RBFOX1: variants seen among roughly 807,000 people sequenced by gnomAD.
The protein encoded by RBFOX1 is RNA binding protein fox-1 homolog 1.
Under a neutral mutation model 57.7 loss-of-function variants are expected in RBFOX1, and 8 were observed. The ratio of observed to expected loss-of-function variants is 0.14; its 90% confidence interval spans 0.08 to 0.25. RBFOX1 has a LOEUF of 0.25. Ranked by LOEUF, RBFOX1 falls within the 10% of genes least tolerant of loss-of-function variation. The probability of loss-of-function intolerance (pLI) is 1.00; values close to 1 mark genes in which losing one functional copy is unlikely to be tolerated. For missense variants in RBFOX1, 611 were observed against 548.5 expected (o/e 1.11, Z -1.14); for synonymous variants, 326 against 222.4 (o/e 1.47, Z -4.15).
chr16:5,814,947 A>G (rs1229967329), intron 3 of RBFOX1, among the ~76,000 whole-genome samples: 1 of 151,630 alleles, frequency 6.6e-6, no homozygotes, highest in Non-Finnish European at 1.5e-5. Flanking sequence ...AAAAGAAAAA[A>G]AAGAAAAAAA....
At chr16:5,394,585 A>G (rs2066499065) in intron 1 of RBFOX1, among the ~76,000 whole-genome samples, 1 of 133,380 alleles carries the variant, frequency 7.5e-6, no homozygotes, top group African/African-American at 2.9e-5. Context: ...TTTTTTTGAC[A>G]GGATCTTGCT....
chr16:7,594,939 C>G (rs937245353), intron 7 of RBFOX1, among the ~76,000 whole-genome samples: 7 of 152,022 alleles, frequency 4.6e-5, no homozygotes, highest in African/African-American at 1.7e-4. Flanking sequence ...GTTTATTAGA[C>G]CAAAGAGTTT....
At chr16:6,349,087 G>T (rs772158951) in intron 2 of RBFOX1, among the ~76,000 whole-genome samples, 1 of 152,118 alleles carries the variant, frequency 6.6e-6, no homozygotes, top group Non-Finnish European at 1.5e-5. Flanking sequence ...ATGCTGTGCC[G>T]TGGGTTGCTA....
At chr16:5,784,974 A>T (rs944181663) in intron 3 of RBFOX1, among the ~76,000 whole-genome samples, 1 of 152,200 alleles carries the variant, frequency 6.6e-6, no homozygotes. Context: ...GCCCAAACAG[A>T]CTAAGACAGG....
chr16:5,714,972 T>C (rs1424205725), intron 3 of RBFOX1, among the ~76,000 whole-genome samples: 2 of 152,204 alleles, frequency 1.3e-5, no homozygotes, highest in African/African-American at 4.8e-5. Flanking sequence ...TCCAGTTGTG[T>C]TGAGTTGAAT....
At chr16:6,387,526 G>C (rs1169378832) in intron 2 of RBFOX1, among the ~76,000 whole-genome samples, 1 of 151,034 alleles carries the variant, frequency 6.6e-6, no homozygotes, top group Non-Finnish European at 1.5e-5. Flanking sequence ...GAAGCCATTA[G>C]CGTCAACTTA....
intron 4 of RBFOX1, among the ~76,000 whole-genome samples, chr16:7,181,622 G>T (rs534940496): frequency 6.6e-6 from 1 of 151,960 alleles, no homozygotes; most frequent in East Asian, 1.9e-4. Context: ...GAGTGCAGTG[G>T]TGCGATCTTG....
At chr16:6,988,770 T>C (rs1462175262) in intron 3 of RBFOX1, among the ~76,000 whole-genome samples, 1 of 150,472 alleles carries the variant, frequency 6.6e-6, no homozygotes, top group Non-Finnish European at 1.5e-5. Context: ...TTTTTGTTTT[T>C]TGTTTTTTGT....
At chr16:5,478,664 G>T (rs748382520) in intron 2 of RBFOX1, among the ~76,000 whole-genome samples, 1 of 152,136 alleles carries the variant, frequency 6.6e-6, no homozygotes, top group Non-Finnish European at 1.5e-5. Context: ...TTCCAGACCC[G>T]CTTTCTGCTC....
chr16:6,881,016 GC>G (rs1278618465), intron 3 of RBFOX1, among the ~76,000 whole-genome samples: 3 of 152,152 alleles, frequency 2.0e-5, no homozygotes, highest in African/African-American at 7.2e-5. Context: ...AAAATACGTG[GC>G]CCATACCCTC....
chr16:7,697,252 T>C (rs1417139324), intron 14 of RBFOX1, among the ~76,000 whole-genome samples: 1 of 152,114 alleles, frequency 6.6e-6, no homozygotes, highest in Non-Finnish European at 1.5e-5. Flanking sequence ...CTTTAAGCTG[T>C]ATTTTGATGG....
intron 3 of RBFOX1, among the ~76,000 whole-genome samples, chr16:6,692,776 A>G (rs921936395): frequency 6.6e-6 from 1 of 152,094 alleles, no homozygotes; most frequent in Non-Finnish European, 1.5e-5. Context: ...TATCAACATC[A>G]TCATCATGAT....
intron 1 of RBFOX1, among the ~76,000 whole-genome samples, chr16:6,072,194 T>C (rs1263893850): frequency 1.3e-5 from 2 of 152,132 alleles, no homozygotes; most frequent in Non-Finnish European, 2.9e-5. Flanking sequence ...TCATGAGTCT[T>C]ATTCACTATC....
chr16:5,531,959 C>G (rs952390116), intron 2 of RBFOX1, among the ~76,000 whole-genome samples: 1 of 152,124 alleles, frequency 6.6e-6, no homozygotes, highest in Non-Finnish European at 1.5e-5. Flanking sequence ...GCCACCATTC[C>G]TGGCTAATTT....
intron 1 of RBFOX1, among the ~76,000 whole-genome samples, chr16:6,089,149 G>C (rs2096134089): frequency 6.6e-6 from 1 of 151,842 alleles, no homozygotes; most frequent in South Asian, 2.1e-4. Context: ...GGACCACCAA[G>C]TGATCATTTA....
intron 5 of RBFOX1, among the ~76,000 whole-genome samples, chr16:7,544,917 C>T (rs2083997608): frequency 1.3e-5 from 2 of 152,214 alleles, no homozygotes; most frequent in South Asian, 2.1e-4. Flanking sequence ...TCATCATCCC[C>T]GTATCTGTGA....
chr16:5,803,830 C>T (rs2055140369), intron 3 of RBFOX1, among the ~76,000 whole-genome samples: 1 of 152,134 alleles, frequency 6.6e-6, no homozygotes, highest in African/African-American at 2.4e-5. Context: ...AGAAATGTTG[C>T]TTCTTTCCTC....
intron 3 of RBFOX1, among the ~76,000 whole-genome samples, chr16:6,759,774 A>G (rs190543764): frequency 2.0e-4 from 31 of 152,312 alleles, no homozygotes; most frequent in Admixed American, 2.0e-3. Flanking sequence ...AAGAAATAAT[A>G]AGGAATGTGT....
intron 4 of RBFOX1, among the ~76,000 whole-genome samples, chr16:7,290,406 C>A (rs987955458): frequency 6.6e-6 from 1 of 152,136 alleles, no homozygotes; most frequent in Non-Finnish European, 1.5e-5. Context: ...ACCAGGTGAC[C>A]TTAAAATATC....
Sources: allele counts gnomAD v4.1 joint callset (sites outside exome capture counted in the v4.1 genomes callset), GRCh38; gene constraint gnomAD v4.1.1; transcripts MANE v1.5; gene names NCBI Gene and HGNC (gene_info 2026-07-23, HGNC 2026-07-21).